Variants in COL21A1 observed in about 807,000 individuals in gnomAD.
The protein encoded by COL21A1 is collagen alpha-1(XXI) chain.
In COL21A1, 149 loss-of-function variants were observed where a neutral mutation model predicts 137.9. The ratio of observed to expected loss-of-function variants is 1.08; its 90% CI spans 0.95 to 1.24. The LOEUF (loss-of-function observed/expected upper bound fraction) is 1.24. COL21A1 is among the 50% of genes most tolerant of loss of function. COL21A1 has a pLI of 0.00. For missense variants in COL21A1, 1,167 were observed against 1,158.4 expected (o/e 1.01, Z -0.11); for synonymous variants, 456 against 391.5 (o/e 1.16, Z -1.95).
chr6:56,187,430 T>C (rs550658205), intron 1 of COL21A1, among the ~76,000 whole-genome samples: 1 of 152,268 alleles, frequency 6.6e-6, no homozygotes, highest in East Asian at 1.9e-4. Flanking sequence ...ATCCAAACCA[T>C]AGCAACTTAC....
chr6:56,338,480 A>T (rs891327894), intron 1 of COL21A1, among the ~76,000 whole-genome samples: 2 of 151,808 alleles, frequency 1.3e-5, no homozygotes, highest in East Asian at 1.9e-4. Context: ...CTGGCCATCT[A>T]CCCCTCAGCA....
chr6:56,148,128 A>G (rs1015328056), intron 10 of COL21A1, among the ~76,000 whole-genome samples: 1 of 152,136 alleles, frequency 6.6e-6, no homozygotes, highest in Non-Finnish European at 1.5e-5. Context: ...CAGTTGTCAT[A>G]TATCTACTAA....
intron 1 of COL21A1, among the ~76,000 whole-genome samples, chr6:56,209,816 C>T (rs894786158): frequency 1.3e-5 from 2 of 152,168 alleles, no homozygotes; most frequent in Non-Finnish European, 2.9e-5. Flanking sequence ...ACTATAAAGA[C>T]TCATTCACAT....
At chr6:56,098,378 T>G (rs1308876502) in intron 17 of COL21A1, among the ~76,000 whole-genome samples, 1 of 39,320 alleles carries the variant, frequency 2.5e-5, no homozygotes, top group Admixed American at 4.7e-4. Context: ...TATATAAATA[T>G]ATATAAATAT....
At chr6:56,107,308 C>A (rs2764059) in intron 16 of COL21A1, among the ~76,000 whole-genome samples, 111,219 of 151,470 alleles carry the variant, frequency 0.73, 41,296 homozygotes, top group East Asian at 0.87. Flanking sequence ...ACATTAAAGG[C>A]TCAGAAACGA....
chr6:56,391,739 T>C (rs548156986), intron 1 of COL21A1, among the ~76,000 whole-genome samples: 17 of 152,144 alleles, frequency 1.1e-4, no homozygotes, highest in Non-Finnish European at 1.9e-4. Flanking sequence ...TGGATACATT[T>C]ATAGATGTTA....
At chr6:56,321,404 T>C (rs1043728125) in intron 1 of COL21A1, among the ~76,000 whole-genome samples, 2 of 152,220 alleles carry the variant, frequency 1.3e-5, no homozygotes, top group African/African-American at 2.4e-5. Context: ...GATTTTTGCA[T>C]TGGCATTTGC....
At chr6:56,119,393 T>C (rs1461462075) in intron 16 of COL21A1, among the ~76,000 whole-genome samples, 1 of 152,074 alleles carries the variant, frequency 6.6e-6, no homozygotes, top group East Asian at 1.9e-4. Context: ...AAAACACTAA[T>C]GAAAGAAATT....
intron 1 of COL21A1, among the ~76,000 whole-genome samples, chr6:56,336,944 A>G (rs1420088225): frequency 1.3e-5 from 2 of 152,172 alleles, no homozygotes; most frequent in Non-Finnish European, 2.9e-5. Flanking sequence ...CTTTGTTTTG[A>G]CTAAGTAAAT....
At chr6:56,376,967 G>C (rs891139252) in intron 1 of COL21A1, among the ~76,000 whole-genome samples, 1 of 135,862 alleles carries the variant, frequency 7.4e-6, no homozygotes, top group African/African-American at 2.8e-5. Flanking sequence ...TCACACGAGA[G>C]GTAGAAAAAA....
intron 1 of COL21A1, among the ~76,000 whole-genome samples, chr6:56,322,391 C>T (rs955908585): frequency 3.9e-5 from 6 of 152,122 alleles, no homozygotes; most frequent in East Asian, 1.9e-4. Context: ...CTTCTTCAAG[C>T]GTCTCAACAA....
At chr6:56,098,596 T>A (rs867113936) in intron 17 of COL21A1, among the ~76,000 whole-genome samples, 14 of 10,348 alleles carry the variant, frequency 1.4e-3, no homozygotes, top group East Asian at 6.5e-3. Flanking sequence ...AATATATAAA[T>A]ATATATATAA....
chr6:56,078,247 C>G (rs1767418086), intron 17 of COL21A1: 1 of 455,188 alleles, frequency 2.2e-6, no homozygotes, highest in South Asian at 1.6e-5. Context: ...ATAAATTTAG[C>G]ACATTTATTG....
chr6:56,387,616 G>C (rs1167112107), intron 1 of COL21A1, among the ~76,000 whole-genome samples: 2 of 152,200 alleles, frequency 1.3e-5, no homozygotes, highest in Non-Finnish European at 2.9e-5. Context: ...GTGCTTGGGA[G>C]AAAGAGACCT....
intron 1 of COL21A1, among the ~76,000 whole-genome samples, chr6:56,321,724 A>T (rs1764872425): frequency 6.6e-6 from 1 of 152,124 alleles, no homozygotes; most frequent in Non-Finnish European, 1.5e-5. Flanking sequence ...TTTGAAGTTG[A>T]GGAGCGCAGT....
At chr6:56,345,223 G>A (rs1765568843) in intron 1 of COL21A1, among the ~76,000 whole-genome samples, 7 of 152,124 alleles carry the variant, frequency 4.6e-5, no homozygotes. Flanking sequence ...GGAAACATTT[G>A]AGTTAGGAGT....
intron 1 of COL21A1, among the ~76,000 whole-genome samples, chr6:56,244,681 A>G (rs574020816): frequency 5.3e-5 from 8 of 152,188 alleles, no homozygotes; most frequent in African/African-American, 1.9e-4. Flanking sequence ...TATAGAAGTC[A>G]TATATGATTG....
chr6:56,145,641 A>G (rs1415131898), intron 10 of COL21A1, among the ~76,000 whole-genome samples: 1 of 138,884 alleles, frequency 7.2e-6, no homozygotes, highest in Non-Finnish European at 1.5e-5. Flanking sequence ...CTTTTTATAT[A>G]CCTTATTGAG....
intron 1 of COL21A1, among the ~76,000 whole-genome samples, chr6:56,255,566 A>G (rs1208580425): frequency 1.3e-5 from 2 of 152,142 alleles, no homozygotes; most frequent in Admixed American, 6.5e-5. Context: ...TGCTCTGCCA[A>G]CATTTTTCTG....
Sources: allele counts gnomAD v4.1 joint callset (sites outside exome capture counted in the v4.1 genomes callset), GRCh38; gene constraint gnomAD v4.1.1; transcripts MANE v1.5; gene names NCBI Gene and HGNC (gene_info 2026-07-23, HGNC 2026-07-21).